The following TBC1D4 variants were observed in gnomAD, a reference collection of about 807,000 sequenced individuals.
The protein encoded by TBC1D4 is TBC1 domain family member 4, also known as TBC (Tre-2, BUB2, CDC16) domain-containing protein.
Under a neutral mutation model 142.5 loss-of-function variants are expected in TBC1D4, and 121 were observed. The observed-to-expected ratio is 0.85, with a 90% CI of 0.73 to 0.99. The LOEUF is 0.99. TBC1D4 is among the 50% of genes least tolerant of loss of function. The pLI, the probability that TBC1D4 is intolerant of heterozygous loss-of-function variation, is 0.00. For missense variants in TBC1D4, 1,475 were observed against 1,606.6 expected (o/e 0.92, Z 1.40); for synonymous variants, 630 against 628.2 (o/e 1.00, Z -0.04).
intron 1 of TBC1D4, 75 bp downstream of exon 1, chr13:75,481,195 T>TCCCCCCCC: frequency 9.3e-6 from 12 of 1,292,706 alleles, no homozygotes; most frequent in Non-Finnish European, 1.2e-5. Flanking sequence ...TAAAGTGGGG[T>TCCCCCCCC]CCCCGCCCCT....
chr13:75,473,761 C>A (rs1031616881), intron 1 of TBC1D4, among the ~76,000 whole-genome samples: 3 of 152,158 alleles, frequency 2.0e-5, no homozygotes, highest in Non-Finnish European at 4.4e-5. Context: ...AAACCTATGG[C>A]AAGATTATCT....
chr13:75,302,328 A>G lies in TBC1D4; in HGVS notation c.2826T>C (p.Pro942=). ...ALQYRLRHRL[P]NKQQPPDISY... ...ATATGTCAGGAGGCTGTTGTTTATTAGGCAATCTGTGTCTGAGTCGGTACT... is the reference window on the plus strand; with the variant it reads ...ATATGTCAGGAGGCTGTTGTTTATTGGGCAATCTGTGTCTGAGTCGGTACT... Residue 942 remains proline, a synonymous_variant, in exon 16 of 21, where the codon CCT becomes CCC. Coordinates refer to ENST00000377636, the MANE Select transcript of TBC1D4 (RefSeq NM_014832.5). 3 of 1,614,224 alleles carry G rather than the reference A, an allele frequency of 1.9e-6. No individual in the cohort carries two copies. The highest frequency in any genetic ancestry group is 2.5e-6 in the Non-Finnish European group (3 of 1,180,044).
chr13:75,381,940 A>G (rs540371932), intron 1 of TBC1D4, among the ~76,000 whole-genome samples: 1 of 152,366 alleles, frequency 6.6e-6, no homozygotes, highest in East Asian at 1.9e-4. Context: ...ATACTAGCAG[A>G]CAATATACTA....
At chr13:75,358,131 A>C (rs1286028789) in intron 3 of TBC1D4, among the ~76,000 whole-genome samples, 3 of 152,118 alleles carry the variant, frequency 2.0e-5, no homozygotes, top group African/African-American at 4.8e-5. Context: ...GCTTCGGTTC[A>C]GACATCACTT....
At chr13:75,380,156 G>A in intron 1 of TBC1D4, among the ~76,000 whole-genome samples, 1 of 151,440 alleles carries the variant, frequency 6.6e-6, no homozygotes. Context: ...TGGGATTACA[G>A]GCGTGAGCCA....
At chr13:75,297,036 C>T (rs796179332) in intron 17 of TBC1D4, among the ~76,000 whole-genome samples, 2 of 152,160 alleles carry the variant, frequency 1.3e-5, no homozygotes, top group African/African-American at 4.8e-5. Context: ...ACAGTACCTC[C>T]TGCTCTAGAA....
chr13:75,320,180 C>T (rs1878634959), intron 11 of TBC1D4, 143 bp from the exon 12 acceptor site: 1 of 792,270 alleles, frequency 1.3e-6, no homozygotes, highest in Non-Finnish European at 2.0e-6. Context: ...ATAATTATAC[C>T]TTTTTTTTTC....
intron 1 of TBC1D4, 145 bp downstream of exon 1, chr13:75,481,125 C>A: frequency 7.7e-7 from 1 of 1,299,924 alleles, no homozygotes; most frequent in Non-Finnish European, 1.0e-6. Flanking sequence ...AAGGGGCCAG[C>A]CGGCGCTTGA....
At chr13:75,304,940 T>G (rs556657428) in intron 15 of TBC1D4, among the ~76,000 whole-genome samples, 1 of 152,202 alleles carries the variant, frequency 6.6e-6, no homozygotes, top group East Asian at 1.9e-4. Context: ...GAAGTAGATA[T>G]TATAGAACAA....
At chr13:75,471,207 T>A (rs73221962) in intron 1 of TBC1D4, among the ~76,000 whole-genome samples, 2 of 152,062 alleles carry the variant, frequency 1.3e-5, no homozygotes, top group Admixed American at 6.6e-5. Flanking sequence ...AAACGTGATA[T>A]GCCAATTAAC....
chr13:75,303,564 TTCAC>T (rs890778695), intron 15 of TBC1D4, among the ~76,000 whole-genome samples: 4 of 152,164 alleles, frequency 2.6e-5, no homozygotes, highest in Admixed American at 6.5e-5. Context: ...GCAACTTTAT[TTCAC>T]TCACTAAGAG....
Position 75,356,072 on chromosome 13 carries a change from GGGCTCCT to G in TBC1D4, c.1275+68_1275+74del, listed in dbSNP as rs1243591196. 5 of 1,101,462 alleles carry G rather than the reference GGGCTCCT, an allele frequency of 4.5e-6. No individual in the cohort carries two copies. The East Asian group carries it at 1.2e-4, about 26-fold the overall frequency. 68.2% of individuals were successfully genotyped at this position (1,101,462 alleles called of 1,614,324 possible). A position where few individuals can be genotyped will look rare whatever the true frequency, so the allele number is the denominator to read the frequency against. On this transcript the variant is annotated intron_variant, in intron 4 of 20. Transcript: ENST00000377636. The stretch of plus-strand genomic sequence containing the variant: ...CATAGATAGCCATATTGCAAGGCTT[GGGCTCCT>G]AAGAGACAAGTCTTCTGTTCGACAG...
intron 1 of TBC1D4, among the ~76,000 whole-genome samples, chr13:75,431,324 G>A (rs994332880): frequency 2.6e-5 from 4 of 152,136 alleles, no homozygotes; most frequent in Non-Finnish European, 4.4e-5. Context: ...GGGTGCTAGG[G>A]TTATAGAAAA....
intron 1 of TBC1D4, among the ~76,000 whole-genome samples, chr13:75,415,761 C>T (rs1885890774): frequency 6.6e-6 from 1 of 152,142 alleles, no homozygotes; most frequent in African/African-American, 2.4e-5. Flanking sequence ...AAGAGTTTTG[C>T]TTGATCATCT....
rs375938256 is a variant in TBC1D4, at chr13:75,312,797, C to G, written c.2324G>C (p.Arg775Pro). 1 of 1,614,146 alleles carries G rather than the reference C, an allele frequency of 6.2e-7. No individual in the cohort carries two copies. The change falls in exon 13 of 21, where the codon CGC becomes CCC. Residue 775 changes from arginine to proline, a missense_variant. Arg to Pro is a moderately radical substitution (Grantham distance 103). Transcript: ENST00000377636. ...VTPRRISWRQRIFLRVASPMN... is the reference protein window; with the variant it reads ...VTPRRISWRQPIFLRVASPMN... ...GGGAGAAGCAACCCTGAGGAAAATG[C>G]GCTGCCGCCAGGAGATCCGGCGAGG...
chr13:75,436,034 C>A (rs1472196341), intron 1 of TBC1D4, among the ~76,000 whole-genome samples: 2 of 152,166 alleles, frequency 1.3e-5, no homozygotes, highest in Non-Finnish European at 2.9e-5. Context: ...CCATAATCCC[C>A]ACGTGTCATG....
intron 7 of TBC1D4, among the ~76,000 whole-genome samples, chr13:75,337,904 C>T (rs1177108463): frequency 1.3e-5 from 2 of 152,010 alleles, no homozygotes; most frequent in African/African-American, 4.8e-5. Flanking sequence ...TATTGCTTGC[C>T]ATTACTTTTA....
At chr13:75,292,771 T>G (rs1051021069) in intron 18 of TBC1D4, among the ~76,000 whole-genome samples, 3 of 148,058 alleles carry the variant, frequency 2.0e-5, no homozygotes, top group African/African-American at 7.5e-5. Context: ...ATGAAAAACA[T>G]ACAACCTCAA....
rs143862017 is a variant in TBC1D4 at position 75,458,729 on chromosome 13, G to GT, written c.498+22540dup. On this transcript the variant is annotated intron_variant, in intron 1 of 20. Transcript: ENST00000377636. ...TTTCTACAAGTATAATTTTTTAACA[G>GT]TTTTTTTTAAATCTCATGCTTTTAA... 1.2e-4 allele frequency among the ~76,000 whole-genome samples: 18 copies of GT among 151,924 alleles called. No individual in the cohort carries two copies. The East Asian group carries it at 1.5e-3, about 13-fold the overall frequency.
Sources: gnomAD v4.1 joint callset for allele counts (sites outside exome capture counted in the v4.1 genomes callset) on GRCh38, gnomAD v4.1.1 for gene constraint, MANE v1.5 for transcripts, NCBI Gene and HGNC (gene_info 2026-07-23, HGNC 2026-07-21) for gene names.